The following PSMA8 variants were observed in gnomAD, a reference collection of about 807,000 sequenced individuals.
PSMA8 encodes proteasome subunit alpha-type 8.
PSMA8 carries 18 observed loss-of-function variants against 32.4 expected under a neutral mutation model. That is an observed-to-expected ratio of 0.56 (90% confidence interval 0.38 to 0.82). PSMA8 has a LOEUF of 0.82. Among genes scored for constraint, PSMA8 ranks in the 40% least tolerant of loss-of-function variants. The probability of loss-of-function intolerance (pLI) is 0.00; values close to 1 mark genes in which losing one functional copy is unlikely to be tolerated. For synonymous variants in PSMA8, 104 were observed against 98.1 expected (o/e 1.06, Z -0.36); for missense variants, 298 against 300.7 (o/e 0.99, Z 0.07).
At chr18:26,156,125 C>G (rs1001112877) in intron 3 of PSMA8, among the ~76,000 whole-genome samples, 1 of 152,108 alleles carries the variant, frequency 6.6e-6, no homozygotes, top group Admixed American at 6.6e-5. Context: ...CTCAGAATGG[C>G]TATTATCAAA....
intron 4 of PSMA8, among the ~76,000 whole-genome samples, chr18:26,162,519 C>T (rs2055143395): frequency 6.6e-6 from 1 of 152,168 alleles, no homozygotes. Context: ...CTTCTATAAA[C>T]ATCTGCAGGG....
Position 26,192,353 on chromosome 18 carries a change from C to A in PSMA8, c.695C>A (p.Thr232Asn). ...FSAKEVELYV[T>N]EIEKEKEEAE... is the part of the protein sequence containing the mutation. ...GCAAAAGAAGTTGAATTATATGTAACTGAAATAGAAAAGGAAAAGGAAGAA... is the reference window on the plus strand; with the variant it reads ...GCAAAAGAAGTTGAATTATATGTAAATGAAATAGAAAAGGAAAAGGAAGAA... Residue 232 changes from threonine to asparagine, a missense_variant, in exon 7 of 7, where the codon ACT becomes AAT. Thr to Asn is a moderately conservative substitution (Grantham distance 65). Coordinates refer to ENST00000415576, the MANE Select transcript of PSMA8 (RefSeq NM_001025096.2). 6.6e-7 allele frequency: 1 copy of A among 1,516,754 alleles called. No individual in the cohort carries two copies. Among genetic ancestry groups the A allele is most frequent in the South Asian group, 1.4e-5 (1 of 72,470 alleles). 94.0% of individuals were successfully genotyped at this position (1,516,754 alleles called of 1,614,324 possible). A position where few individuals can be genotyped will look rare whatever the true frequency, so the allele number is the denominator to read the frequency against.
chr18:26,134,311 T>C (rs1165669604), intron 1 of PSMA8, among the ~76,000 whole-genome samples: 1 of 151,764 alleles, frequency 6.6e-6, no homozygotes, highest in Non-Finnish European at 1.5e-5. Flanking sequence ...TCATGGTAGC[T>C]ACAGACGCAA....
chr18:26,134,140 C>CCCG, intron 1 of PSMA8, 73 bp downstream of exon 1: 1 of 1,070,902 alleles, frequency 9.3e-7, no homozygotes, highest in Non-Finnish European at 1.4e-6. Context: ...CTGCCCCAGC[C>CCCG]CACCTTTCCA....
At chr18:26,187,373 T>C (rs2055364417) in intron 6 of PSMA8, among the ~76,000 whole-genome samples, 1 of 152,100 alleles carries the variant, frequency 6.6e-6, no homozygotes, top group East Asian at 1.9e-4. Flanking sequence ...GAGCAGTGGC[T>C]CACACCTGTA....
chr18:26,166,184 T>G (rs908525055), intron 4 of PSMA8, among the ~76,000 whole-genome samples: 1 of 152,194 alleles, frequency 6.6e-6, no homozygotes, highest in Non-Finnish European at 1.5e-5. Context: ...ATCCTTATTG[T>G]GCATGGGTTG....
intron 2 of PSMA8, among the ~76,000 whole-genome samples, chr18:26,145,566 G>A (rs544283705): frequency 1.6e-4 from 24 of 152,024 alleles, no homozygotes; most frequent in Non-Finnish European, 2.6e-4. Flanking sequence ...TATCTATTCT[G>A]TATCTCTATA....
chr18:26,134,332 T>A (rs966155915), intron 1 of PSMA8, among the ~76,000 whole-genome samples: 1 of 145,902 alleles, frequency 6.9e-6, no homozygotes, highest in East Asian at 2.1e-4. Flanking sequence ...AACTAGGGTG[T>A]GTGTGTGGGT....
chr18:26,159,073 A>G (rs1489915213), intron 4 of PSMA8, among the ~76,000 whole-genome samples: 2 of 152,148 alleles, frequency 1.3e-5, no homozygotes, highest in African/African-American at 4.8e-5. Flanking sequence ...ATATTCCTGT[A>G]TATAAGAATA....
chr18:26,185,352 C>T (rs1016796859), intron 6 of PSMA8, among the ~76,000 whole-genome samples: 2 of 150,592 alleles, frequency 1.3e-5, no homozygotes, highest in Admixed American at 6.6e-5. Flanking sequence ...AACAACACAA[C>T]GATGTTCTCA....
chr18:26,156,221 C>T (rs1007561445), intron 3 of PSMA8, among the ~76,000 whole-genome samples: 4 of 152,194 alleles, frequency 2.6e-5, no homozygotes, highest in African/African-American at 9.7e-5. Flanking sequence ...TTAATACAGA[C>T]ATTATGGAAA....
At chr18:26,146,681 T>C (rs1458583117) in intron 2 of PSMA8, among the ~76,000 whole-genome samples, 3 of 152,150 alleles carry the variant, frequency 2.0e-5, no homozygotes, top group Non-Finnish European at 4.4e-5. Context: ...GAAGATCCAT[T>C]GAACCCAGCA....
chr18:26,178,672 G>A (rs1306277134), intron 4 of PSMA8, among the ~76,000 whole-genome samples, 158 bp from the exon 5 acceptor site: 3 of 152,198 alleles, frequency 2.0e-5, no homozygotes, highest in Non-Finnish European at 4.4e-5. Flanking sequence ...AACCAAATGA[G>A]CTACTGAAAT....
In PSMA8 at chr18:26,148,532, T is replaced by C. The variant is rs147857964; in HGVS notation, c.230-3326T>C. On this transcript the variant is annotated intron_variant, in intron 2 of 6. Transcript: ENST00000415576. ...AATCACCACAACATAATTCAGGCTA[T>C]CTATGTAAAAAATTCACAGCTGACA... Among the ~76,000 whole-genome samples the C allele has an allele frequency of 3.3e-3, 501 of 152,240 alleles. 1 individual carries two copies. The highest frequency in any genetic ancestry group is 8.3e-3 in the African/African-American group (345 of 41,556).
intron 4 of PSMA8, among the ~76,000 whole-genome samples, chr18:26,167,133 G>A (rs1409834983): frequency 1.3e-5 from 2 of 152,098 alleles, no homozygotes; most frequent in African/African-American, 4.8e-5. Context: ...AAAGCCAAGA[G>A]ACTAATATAA....
chr18:26,141,715 T>C lies in PSMA8; in HGVS notation c.103-2844T>C, dbSNP rs1485639075. Among the ~76,000 whole-genome samples the C allele has an allele frequency of 7.3e-3, 1,020 of 138,788 alleles. 1 individual carries two copies. The highest frequency in any genetic ancestry group is 0.01 in the Non-Finnish European group (643 of 63,942). 91.1% of individuals were successfully genotyped at this position (138,788 alleles called of 152,430 possible). ...TTTTTTCTGTTTCTTTCTTTTTTCT[T>C]TTTTTTTTTTTTTTTTTTGAGAAAG... On this transcript the variant is annotated intron_variant, in intron 1 of 6. Coordinates refer to ENST00000415576, the MANE Select transcript of PSMA8 (RefSeq NM_001025096.2).
intron 1 of PSMA8, among the ~76,000 whole-genome samples, chr18:26,137,382 C>T (rs775545749): frequency 6.6e-5 from 10 of 152,054 alleles, no homozygotes; most frequent in Non-Finnish European, 1.5e-4. Flanking sequence ...TTGCTTGAAC[C>T]GAGGAAGCAG....
chr18:26,170,595 G>A, intron 4 of PSMA8: 2 of 640,056 alleles, frequency 3.1e-6, no homozygotes, highest in Non-Finnish European at 5.0e-6. Context: ...CAAGAGTAGT[G>A]GGGAATAAAA....
chr18:26,179,002 C>T, intron 5 of PSMA8, 53 bp downstream of exon 5: 1 of 1,605,918 alleles, frequency 6.2e-7, no homozygotes, highest in Non-Finnish European at 8.5e-7. Context: ...TTTTCCTCAT[C>T]CATTTTTGTT....
Sources: gnomAD v4.1 joint callset for allele counts (sites outside exome capture counted in the v4.1 genomes callset) on GRCh38, gnomAD v4.1.1 for gene constraint, MANE v1.5 for transcripts, NCBI Gene and HGNC (gene_info 2026-07-23, HGNC 2026-07-21) for gene names.